The following CADM2 variants were observed in gnomAD, a reference collection of about 807,000 sequenced individuals.
The protein encoded by CADM2 is immunoglobulin superfamily member 4D.
Under a neutral mutation model 49.8 loss-of-function variants are expected in CADM2, and 12 were observed. The ratio of observed to expected loss-of-function variants is 0.24; its 90% CI spans 0.15 to 0.39. The LOEUF (loss-of-function observed/expected upper bound fraction) is 0.39. Among genes scored for constraint, CADM2 ranks in the 10% least tolerant of loss-of-function variants. The pLI, the probability that CADM2 is intolerant of heterozygous loss-of-function variation, is 1.00. For synonymous variants in CADM2, 214 were observed against 175.4 expected, an observed-to-expected ratio of 1.22 and a Z score of -1.74; for missense variants, 378 against 492.3, an observed-to-expected ratio of 0.77 and a Z score of 2.20.
chr3:85,755,833 T>C (rs1002192314), intron 2 of CADM2, among the ~76,000 whole-genome samples: 7 of 152,170 alleles, frequency 4.6e-5, no homozygotes, highest in African/African-American at 1.7e-4. Context: ...CCAGGGATTA[T>C]AATTTCACAT....
chr3:85,241,729 A>G (rs934349102), intron 1 of CADM2, among the ~76,000 whole-genome samples: 3 of 151,614 alleles, frequency 2.0e-5, no homozygotes, highest in Admixed American at 1.3e-4. Flanking sequence ...ATGTATATGT[A>G]TATTTCAATT....
At chr3:85,437,449 C>T (rs1272322025) in intron 1 of CADM2, among the ~76,000 whole-genome samples, 2 of 152,028 alleles carry the variant, frequency 1.3e-5, no homozygotes, top group Admixed American at 1.3e-4. Context: ...AGTGGCTATG[C>T]CACTTTGCAT....
chr3:85,146,900 A>G (rs2039760896), intron 1 of CADM2, among the ~76,000 whole-genome samples: 1 of 152,142 alleles, frequency 6.6e-6, no homozygotes. Context: ...ATATGAAGAC[A>G]TTTGAAAAGG....
chr3:85,651,925 C>A (rs2065052814), intron 1 of CADM2, among the ~76,000 whole-genome samples: 1 of 149,842 alleles, frequency 6.7e-6, no homozygotes, highest in African/African-American at 2.5e-5. Context: ...TCACGCCATT[C>A]TCTTGCCTTA....
chr3:85,030,478 A>G (rs1029017256), intron 1 of CADM2, among the ~76,000 whole-genome samples: 1 of 152,188 alleles, frequency 6.6e-6, no homozygotes, highest in African/African-American at 2.4e-5. Flanking sequence ...GATCATTACC[A>G]ATGTCAATAA....
chr3:85,702,279 AT>A (rs2066804166), intron 1 of CADM2, among the ~76,000 whole-genome samples: 1 of 152,028 alleles, frequency 6.6e-6, no homozygotes. Context: ...GAGGCAGTTG[AT>A]TTACCCTTGG....
At chr3:85,435,065 G>A (rs963074558) in intron 1 of CADM2, among the ~76,000 whole-genome samples, 2 of 151,876 alleles carry the variant, frequency 1.3e-5, no homozygotes, top group Non-Finnish European at 2.9e-5. Flanking sequence ...TACATATGCA[G>A]AATGTGCAGG....
At chr3:85,628,512 C>T (rs1288494551) in intron 1 of CADM2, among the ~76,000 whole-genome samples, 2 of 144,844 alleles carry the variant, frequency 1.4e-5, no homozygotes, top group East Asian at 2.0e-4. Context: ...CTCCCATATA[C>T]ATATATATAT....
intron 1 of CADM2, among the ~76,000 whole-genome samples, chr3:85,462,716 C>A (rs2038304218): frequency 6.6e-6 from 1 of 152,058 alleles, no homozygotes; most frequent in Non-Finnish European, 1.5e-5. Flanking sequence ...TAACCCTAGC[C>A]TAAAATACTA....
intron 2 of CADM2, among the ~76,000 whole-genome samples, chr3:85,737,627 G>T (rs935714351): frequency 6.8e-6 from 1 of 147,784 alleles, no homozygotes; most frequent in African/African-American, 2.5e-5. Context: ...GTGCCATCTC[G>T]GCTCACTGCA....
chr3:85,660,440 G>GTTT (rs10713157), intron 1 of CADM2, among the ~76,000 whole-genome samples: 1 of 143,048 alleles, frequency 7.0e-6, no homozygotes, highest in Admixed American at 7.0e-5. Flanking sequence ...TCGCTCTCCT[G>GTTT]TTTTTTTTTT....
At chr3:85,161,835 T>C (rs2040334847) in intron 1 of CADM2, among the ~76,000 whole-genome samples, 1 of 152,008 alleles carries the variant, frequency 6.6e-6, no homozygotes, top group African/African-American at 2.4e-5. Context: ...CTGGCCAACA[T>C]GGTGAAACCC....
chr3:85,499,227 CAATT>C (rs1233735259), intron 1 of CADM2, among the ~76,000 whole-genome samples: 1 of 151,988 alleles, frequency 6.6e-6, no homozygotes, highest in Non-Finnish European at 1.5e-5. Context: ...AAAATAATAA[CAATT>C]AATGAGGGAA....
At chr3:85,552,548 T>G (rs1427803264) in intron 1 of CADM2, among the ~76,000 whole-genome samples, 2 of 151,518 alleles carry the variant, frequency 1.3e-5, no homozygotes, top group Non-Finnish European at 2.9e-5. Flanking sequence ...GCCTGGCTAA[T>G]TTTTTGTATG....
chr3:85,281,986 G>A (rs1416506876), intron 1 of CADM2, among the ~76,000 whole-genome samples: 1 of 151,916 alleles, frequency 6.6e-6, no homozygotes, highest in African/African-American at 2.4e-5. Flanking sequence ...AAAGAAAGAA[G>A]TTTCTTAAAA....
At chr3:85,653,493 G>C (rs1481482748) in intron 1 of CADM2, among the ~76,000 whole-genome samples, 1 of 151,930 alleles carries the variant, frequency 6.6e-6, no homozygotes, top group East Asian at 1.9e-4. Context: ...TTTAGCTTAA[G>C]TAATAGGAAC....
chr3:85,126,023 C>T (rs1461112465), intron 1 of CADM2, among the ~76,000 whole-genome samples: 2 of 151,934 alleles, frequency 1.3e-5, no homozygotes, highest in East Asian at 3.9e-4. Flanking sequence ...TAGTTTATAC[C>T]AGACTATGAT....
intron 8 of CADM2, among the ~76,000 whole-genome samples, chr3:85,965,689 G>A (rs1343370121): frequency 6.6e-6 from 1 of 151,514 alleles, no homozygotes; most frequent in Non-Finnish European, 1.5e-5. Flanking sequence ...GTTCTCTAAT[G>A]CAACATTAAG....
intron 1 of CADM2, among the ~76,000 whole-genome samples, chr3:85,391,242 A>G (rs1040570917): frequency 4.6e-4 from 70 of 152,204 alleles, no homozygotes; most frequent in African/African-American, 1.4e-3. Flanking sequence ...TTCAATTAAT[A>G]CTAGTTGAAA....
Sources: gnomAD v4.1 joint callset for allele counts (sites outside exome capture counted in the v4.1 genomes callset) on GRCh38, gnomAD v4.1.1 for gene constraint, MANE v1.5 for transcripts, NCBI Gene and HGNC (gene_info 2026-07-23, HGNC 2026-07-21) for gene names.